DIAPH2: variants seen among roughly 807,000 people sequenced by gnomAD.
DIAPH2 encodes the protein diaphanous related formin 2, also known as protein diaphanous homolog 2.
A neutral mutation model predicts 92.7 loss-of-function variants in DIAPH2; 35 were observed. The observed-to-expected ratio is 0.38, with a 90% CI of 0.29 to 0.50. The LOEUF (loss-of-function observed/expected upper bound fraction) is 0.50. Among genes scored for constraint, DIAPH2 ranks in the 20% least tolerant of loss-of-function variants. The pLI is 0.94. For synonymous variants in DIAPH2, 301 were observed against 280.4 expected, an observed-to-expected ratio of 1.07 and a Z score of -0.73; for missense variants, 701 against 819.5, an observed-to-expected ratio of 0.86 and a Z score of 1.77.
chrX:96,719,629 G>A (rs891292770), intron 1 of DIAPH2, among the ~76,000 whole-genome samples: 3 of 111,499 alleles, frequency 2.7e-5, no homozygotes, highest in South Asian at 3.7e-4. Context: ...TCTCTATTCC[G>A]TTCCATTGGT....
At chrX:97,099,421 G>A (rs1406565942) in intron 19 of DIAPH2, among the ~76,000 whole-genome samples, 3 of 110,991 alleles carry the variant, frequency 2.7e-5, no homozygotes, top group Non-Finnish European at 5.7e-5. Context: ...ACTCGGTTTT[G>A]GAATACGATT....
chrX:97,069,970 T>TA (rs1256618200), intron 17 of DIAPH2, among the ~76,000 whole-genome samples: 1 of 111,553 alleles, frequency 9.0e-6, no homozygotes, highest in Non-Finnish European at 1.9e-5. Flanking sequence ...CAATTGCTTG[T>TA]AAAAATCCAT....
intron 14 of DIAPH2, among the ~76,000 whole-genome samples, chrX:96,947,847 A>C (rs997131467): frequency 1.8e-5 from 2 of 112,147 alleles, no homozygotes; most frequent in African/African-American, 6.5e-5. Context: ...AGGGCAAATA[A>C]AATGTTCTAT....
Position 97,266,587 on chromosome X carries a change from A to G in DIAPH2, c.2844+18748A>G, listed in dbSNP as rs147623515. ...TCGATGTCCTGTAACTTCTCCACTT[A>G]TGTAATTCTCTGCCATAATCTAATT... On this transcript the variant is annotated intron_variant, in intron 23 of 26. Coordinates refer to ENST00000324765, the MANE Select transcript of DIAPH2 (RefSeq NM_006729.5). 4.1e-3 allele frequency among the ~76,000 whole-genome samples: 461 copies of G among 111,976 alleles called. 2 individuals are homozygous for G. Among genetic ancestry groups the G allele is most frequent in the African/African-American group, 0.014 (437 of 30,907 alleles).
intron 23 of DIAPH2, among the ~76,000 whole-genome samples, chrX:97,344,226 A>T (rs1397973340): frequency 1.8e-5 from 2 of 111,180 alleles, no homozygotes; most frequent in East Asian, 5.6e-4. Flanking sequence ...TCTTGTATTT[A>T]GTGGCTTAAA....
intron 5 of DIAPH2, among the ~76,000 whole-genome samples, chrX:96,896,916 G>T (rs1054711721): frequency 2.7e-5 from 3 of 111,403 alleles, no homozygotes; most frequent in Non-Finnish European, 5.7e-5. Context: ...TGCTTTAGAT[G>T]GTTTATTTCA....
chrX:97,202,798 T>A (rs2067763448), intron 22 of DIAPH2, among the ~76,000 whole-genome samples: 1 of 111,955 alleles, frequency 8.9e-6, no homozygotes, highest in South Asian at 3.7e-4. Flanking sequence ...AACAAGGATA[T>A]TCAGGACTCA....
At chrX:96,841,098 T>G (rs2064933910) in intron 4 of DIAPH2, among the ~76,000 whole-genome samples, 2 of 112,036 alleles carry the variant, frequency 1.8e-5, no homozygotes, top group Admixed American at 1.9e-4. Flanking sequence ...CAGAACCAAT[T>G]GCCTTGCATT....
At chrX:96,790,095 G>A (rs2064488763) in intron 4 of DIAPH2, among the ~76,000 whole-genome samples, 1 of 106,712 alleles carries the variant, frequency 9.4e-6, no homozygotes, top group Non-Finnish European at 1.9e-5. Flanking sequence ...TTGAGACAGA[G>A]TTTCGCTCTT....
intron 4 of DIAPH2, among the ~76,000 whole-genome samples, chrX:96,873,075 C>T (rs766367168): frequency 9.0e-6 from 1 of 111,595 alleles, no homozygotes; most frequent in African/African-American, 3.3e-5. Flanking sequence ...TCCACATCCT[C>T]GCCAGCATTT....
intron 26 of DIAPH2, among the ~76,000 whole-genome samples, chrX:97,443,141 T>C (rs985860877): frequency 1.3e-4 from 15 of 111,666 alleles, no homozygotes; most frequent in African/African-American, 4.9e-4. Flanking sequence ...GCTTAAGCAG[T>C]TCCTTTGCCT....
intron 10 of DIAPH2, among the ~76,000 whole-genome samples, chrX:96,931,851 G>T (rs1377636834): frequency 9.0e-6 from 1 of 111,028 alleles, no homozygotes; most frequent in East Asian, 2.8e-4. Flanking sequence ...GTATGATTGG[G>T]TCCACCTGGT....
chrX:97,208,313 T>C (rs1375411705), intron 22 of DIAPH2, among the ~76,000 whole-genome samples: 1 of 112,117 alleles, frequency 8.9e-6, no homozygotes, highest in Admixed American at 9.5e-5. Context: ...AAAAACATAA[T>C]TGAACTCAGG....
chrX:97,498,603 A>C (rs1485768305), intron 26 of DIAPH2, among the ~76,000 whole-genome samples: 1 of 111,588 alleles, frequency 9.0e-6, no homozygotes. Flanking sequence ...TTATTTACAG[A>C]ATATTCTGTA....
intron 3 of DIAPH2, among the ~76,000 whole-genome samples, chrX:96,751,376 A>T (rs1156246662): frequency 1.8e-5 from 2 of 108,187 alleles, no homozygotes; most frequent in African/African-American, 3.4e-5. Flanking sequence ...GGAGATCGAG[A>T]CCATCCTGGC....
chrX:97,205,362 G>T (rs190215182), intron 22 of DIAPH2, among the ~76,000 whole-genome samples: 1 of 111,674 alleles, frequency 9.0e-6, no homozygotes, highest in Non-Finnish European at 1.9e-5. Context: ...CACAGCAAAA[G>T]AAACTAGCAT....
chrX:96,866,575 T>C (rs1457597840), intron 4 of DIAPH2, among the ~76,000 whole-genome samples: 1 of 111,678 alleles, frequency 9.0e-6, no homozygotes, highest in Non-Finnish European at 1.9e-5. Flanking sequence ...TGATGTCAGA[T>C]TTGGTTAGCA....
chrX:96,842,534 C>A (rs1024673953), intron 4 of DIAPH2, among the ~76,000 whole-genome samples: 2 of 112,315 alleles, frequency 1.8e-5, no homozygotes, highest in African/African-American at 6.5e-5. Context: ...GGAATCCTAA[C>A]TTAGCATTTC....
intron 9 of DIAPH2, among the ~76,000 whole-genome samples, chrX:96,919,345 G>A (rs2065526016): frequency 8.9e-6 from 1 of 112,127 alleles, no homozygotes; most frequent in Non-Finnish European, 1.9e-5. Flanking sequence ...GGACGAATAA[G>A]TTGAATGAGA....
Sources: gnomAD v4.1 joint callset for allele counts (sites outside exome capture counted in the v4.1 genomes callset) on GRCh38, gnomAD v4.1.1 for gene constraint, MANE v1.5 for transcripts, NCBI Gene and HGNC (gene_info 2026-07-23, HGNC 2026-07-21) for gene names.